ASAH2: variants seen among roughly 807,000 people sequenced by gnomAD.
ASAH2 encodes neutral ceramidase.
A neutral mutation model predicts 82.9 loss-of-function variants in ASAH2; 58 were observed. The ratio of observed to expected loss-of-function variants is 0.70; its 90% CI spans 0.57 to 0.87. The LOEUF (loss-of-function observed/expected upper bound fraction) is 0.87. Ranked by LOEUF, ASAH2 falls within the 40% of genes least tolerant of loss-of-function variation. The pLI, the probability that ASAH2 is intolerant of heterozygous loss-of-function variation, is 0.00. For synonymous variants in ASAH2, 276 were observed against 289.7 expected (o/e 0.95, Z 0.48); for missense variants, 779 against 834.0 (o/e 0.93, Z 0.81).
intron 18 of ASAH2, among the ~76,000 whole-genome samples, chr10:50,194,598 T>C (rs1844926328): frequency 6.6e-6 from 1 of 150,990 alleles, no homozygotes; most frequent in African/African-American, 2.4e-5. Context: ...TATTTGACAT[T>C]GGATTGGATC....
intron 7 of ASAH2, among the ~76,000 whole-genome samples, chr10:50,228,650 CT>C (rs1191457498): frequency 2.6e-5 from 4 of 152,166 alleles, no homozygotes; most frequent in East Asian, 1.9e-4. Context: ...ATCACTGCCC[CT>C]GTCATCTTAA....
chr10:50,199,884 T>C (rs1845094995), intron 16 of ASAH2, among the ~76,000 whole-genome samples: 1 of 151,684 alleles, frequency 6.6e-6, no homozygotes, highest in Non-Finnish European at 1.5e-5. Flanking sequence ...ACAAATAGAT[T>C]TCACCTTAGT....
intron 7 of ASAH2, among the ~76,000 whole-genome samples, chr10:50,231,478 C>G (rs1846020937): frequency 6.6e-6 from 1 of 152,158 alleles, no homozygotes; most frequent in Non-Finnish European, 1.5e-5. Flanking sequence ...TGGGATAGCA[C>G]TGCTGGTCAT....
At chr10:50,227,608 C>A (rs1303654191) in intron 7 of ASAH2, among the ~76,000 whole-genome samples, 3 of 151,834 alleles carry the variant, frequency 2.0e-5, no homozygotes, top group African/African-American at 7.3e-5. Flanking sequence ...GGTAAGCACA[C>A]ACTATTTTTA....
At chr10:50,189,126 A>C (rs1251409147) in intron 20 of ASAH2, among the ~76,000 whole-genome samples, 1 of 146,588 alleles carries the variant, frequency 6.8e-6, no homozygotes, top group Non-Finnish European at 1.5e-5. Flanking sequence ...TTCCCTATAG[A>C]AATATCAAGC....
chr10:50,233,100 TG>T, intron 7 of ASAH2, 83 bp downstream of exon 7: 1 of 1,036,052 alleles, frequency 9.7e-7, no homozygotes. Context: ...CAGTGTGTGC[TG>T]GTACTATTCT....
At chr10:50,240,236 A>G (rs1846261944) in intron 4 of ASAH2, among the ~76,000 whole-genome samples, 1 of 152,144 alleles carries the variant, frequency 6.6e-6, no homozygotes, top group Admixed American at 6.5e-5. Flanking sequence ...TGTTAGGCAA[A>G]GTTACAAAAA....
chr10:50,203,727 C>T lies in ASAH2; in HGVS notation c.1626-48G>A, dbSNP rs969983503. Reference sequence around the variant, plus strand: ...TAAACGTTTTCCTACTAGACGTATGCAGAGTACACAGAAACACTGGCAGTG... The same window carrying T: ...TAAACGTTTTCCTACTAGACGTATGTAGAGTACACAGAAACACTGGCAGTG... On this transcript the variant is annotated intron_variant, in intron 14 of 20. Transcript: ENST00000682911. 5.8e-6 allele frequency: 9 copies of T among 1,552,158 alleles called. No individual in the cohort carries two copies. In the East Asian group the frequency reaches 6.7e-5, roughly 12 times the overall value.
rs770698150 is a variant in ASAH2, at chr10:50,210,903, G to A, written c.1334C>T (p.Ser445Leu). 12 of 1,613,190 alleles carry A rather than the reference G, an allele frequency of 7.4e-6. No individual in the cohort carries two copies. In the East Asian group the frequency reaches 2.7e-4, roughly 36 times the overall value. The change falls in exon 12 of 21, where the codon TCA becomes TTA. Residue 445 changes from serine to leucine, a missense_variant and splice_region_variant. Physicochemically the swap from Ser to Leu is moderately radical, Grantham distance 145. Transcript: ENST00000682911. ...VTVWLNSTHA[S>L]KTCKPALGYS... ...GCCCAATGCTGGTTTACATGTTTTTGACTAAAGGAAAAGTTTTAAAAACAA... is the reference window on the plus strand; with the variant it reads ...GCCCAATGCTGGTTTACATGTTTTTAACTAAAGGAAAAGTTTTAAAAACAA...
In ASAH2 at chr10:50,242,804, G is replaced by T. The variant is rs569775009; in HGVS notation, c.510+398C>A. Among the ~76,000 whole-genome samples the T allele has an allele frequency of 1.9e-4, 29 of 152,260 alleles. 2 individuals are homozygous for T. Among genetic ancestry groups the T allele is most frequent in the Admixed American group, 1.9e-3 (29 of 15,294 alleles). ...CAATGTTGCGTTTTAATTCGCATCC[G>T]ATTCCTCACATGTATTCTCAATTGT... On this transcript the variant is annotated intron_variant, in intron 4 of 20. Transcript: ENST00000682911.
chr10:50,202,264 C>T (rs1169208208), intron 16 of ASAH2, among the ~76,000 whole-genome samples: 1 of 152,002 alleles, frequency 6.6e-6, no homozygotes, highest in Non-Finnish European at 1.5e-5. Flanking sequence ...AGACTCTGGA[C>T]TGTTTTCATG....
At chr10:50,247,704 C>A (rs1365912440) in intron 2 of ASAH2, among the ~76,000 whole-genome samples, 1 of 152,162 alleles carries the variant, frequency 6.6e-6, no homozygotes, top group South Asian at 2.1e-4. Context: ...GAGCTTCAAT[C>A]TTTACCAGTC....
intron 12 of ASAH2, among the ~76,000 whole-genome samples, chr10:50,210,243 G>A (rs1845415248): frequency 6.6e-6 from 1 of 152,102 alleles, no homozygotes; most frequent in South Asian, 2.1e-4. Context: ...GCTCACACCT[G>A]TAATCCCAGC....
chr10:50,243,340 G>T lies in ASAH2; in HGVS notation c.372C>A (p.Gly124=), dbSNP rs770301333. 12 of 1,613,982 alleles carry T rather than the reference G, an allele frequency of 7.4e-6. No homozygotes were observed. The South Asian group carries it at 7.7e-5, about 10-fold the overall frequency. ...QVADINLMGY[G]KSGQNAQGIL... is the part of the protein sequence containing the mutation. ...TGCCCTGTGCATTCTGGCCGGATTT[G>T]CCATAGCCCATCTAAAGAGGAAGAG... The change falls in exon 4 of 21, where the codon GGC becomes GGA. Residue 124 remains glycine, a synonymous_variant. Transcript: ENST00000682911.
chr10:50,238,559 A>C (rs968683418), intron 4 of ASAH2, among the ~76,000 whole-genome samples: 81 of 129,498 alleles, frequency 6.3e-4, no homozygotes, highest in African/African-American at 2.0e-3. Context: ...ATGAAGAAGA[A>C]ATGTATAAAG....
intron 12 of ASAH2, among the ~76,000 whole-genome samples, chr10:50,209,884 A>C (rs1845406048): frequency 6.6e-6 from 1 of 152,196 alleles, no homozygotes; most frequent in Non-Finnish European, 1.5e-5. Context: ...AAGTCAGATA[A>C]TAACAAGTAT....
At chr10:50,226,838 A>G (rs1382965679) in intron 7 of ASAH2, among the ~76,000 whole-genome samples, 1 of 152,212 alleles carries the variant, frequency 6.6e-6, no homozygotes, top group Non-Finnish European at 1.5e-5. Context: ...TTCAAGAACT[A>G]GGAAAATAAT....
At position 50,248,657 on chromosome 10, in the gene ASAH2, A is replaced by G. The variant is rs1846537045; in HGVS notation, c.-36-11T>C. 10 of 1,579,378 alleles carry G rather than the reference A, an allele frequency of 6.3e-6. No homozygotes were observed. Among genetic ancestry groups the G allele is most frequent in the Non-Finnish European group, 8.6e-6 (10 of 1,160,164 alleles). ...ATGGAAGAAGAAATACTGAAGAGGA[A>G]GAAATCACAAATTAAAATGCAAATG... On this transcript the variant is annotated splice_polypyrimidine_tract_variant and intron_variant, in intron 1 of 20. Transcript: ENST00000682911.
chr10:50,243,256 T>C lies in ASAH2; in HGVS notation c.456A>G (p.Arg152=). 1 of 1,614,106 alleles carries C rather than the reference T, an allele frequency of 6.2e-7. No homozygotes were observed. The change falls in exon 4 of 21, where the codon CGA becomes CGG. Residue 152 remains arginine (R), a synonymous_variant. Transcript: ENST00000682911. ...CTATGTCGATGCTGACAAACACTGT[T>C]CGATTGGACCCATCAGGTTCTGCCA... ...FIMAEPDGSN[R]TVFVSIDIGM... is the part of the protein sequence containing the mutation.
Sources: gnomAD v4.1 joint callset for allele counts (sites outside exome capture counted in the v4.1 genomes callset) on GRCh38, gnomAD v4.1.1 for gene constraint, MANE v1.5 for transcripts, NCBI Gene and HGNC (gene_info 2026-07-23, HGNC 2026-07-21) for gene names.